TMEM163: variants seen among roughly 807,000 people sequenced by gnomAD.
The protein encoded by TMEM163 is transmembrane protein 163.
A neutral mutation model predicts 29.3 loss-of-function variants in TMEM163; 17 were observed. The ratio of observed to expected loss-of-function variants is 0.58; its 90% CI spans 0.40 to 0.87. The LOEUF (loss-of-function observed/expected upper bound fraction) is 0.87. Among genes scored for constraint, TMEM163 ranks in the 40% least tolerant of loss-of-function variants. The probability of loss-of-function intolerance (pLI) is 0.00; values close to 1 mark genes in which losing one functional copy is unlikely to be tolerated. For synonymous variants in TMEM163, 157 were observed against 160.6 expected (o/e 0.98, Z 0.17); for missense variants, 303 against 381.5 (o/e 0.79, Z 1.71).
chr2:134,638,872 T>C (rs1219386152), intron 2 of TMEM163, among the ~76,000 whole-genome samples: 3 of 152,198 alleles, frequency 2.0e-5, no homozygotes, highest in Non-Finnish European at 2.9e-5. Flanking sequence ...GAAATGTTTA[T>C]GGGACAACCA....
intron 2 of TMEM163, among the ~76,000 whole-genome samples, chr2:134,640,809 C>T (rs1191201003): frequency 1.3e-5 from 2 of 152,202 alleles, no homozygotes; most frequent in Admixed American, 1.3e-4. Flanking sequence ...AGAAAACTTA[C>T]ACATAATACT....
intron 4 of TMEM163, among the ~76,000 whole-genome samples, chr2:134,525,624 G>T (rs962775209): frequency 6.6e-6 from 1 of 152,176 alleles, no homozygotes; most frequent in African/African-American, 2.4e-5. Context: ...GGGCTAAGGG[G>T]ACAAGTTTAC....
At chr2:134,633,997 ATATATATATATATATATATAT>A (rs1558971819) in intron 2 of TMEM163, among the ~76,000 whole-genome samples, 461 of 35,480 alleles carry the variant, frequency 0.013, 25 homozygotes, top group East Asian at 0.078. Flanking sequence ...ATATATATAT[ATATATATATATATATATATAT>A]ATAATAGGAC....
chr2:134,514,113 C>T (rs973883185), intron 4 of TMEM163, among the ~76,000 whole-genome samples: 10 of 152,276 alleles, frequency 6.6e-5, no homozygotes, highest in Middle Eastern at 3.4e-3. Context: ...GGGGACAAGA[C>T]GCCACCTCTT....
intron 2 of TMEM163, among the ~76,000 whole-genome samples, chr2:134,686,586 A>T (rs1684356230): frequency 6.6e-6 from 1 of 152,220 alleles, no homozygotes; most frequent in Non-Finnish European, 1.5e-5. Flanking sequence ...GGGGCCAAAA[A>T]GGAGGTAGAA....
At chr2:134,677,124 C>T (rs1281253544) in intron 2 of TMEM163, among the ~76,000 whole-genome samples, 1 of 152,154 alleles carries the variant, frequency 6.6e-6, no homozygotes, top group Non-Finnish European at 1.5e-5. Context: ...AGGTCAGCTT[C>T]CGGCGACCCT....
chr2:134,509,143 G>A (rs1192557548), intron 4 of TMEM163, among the ~76,000 whole-genome samples: 1 of 152,218 alleles, frequency 6.6e-6, no homozygotes, highest in African/African-American at 2.4e-5. Flanking sequence ...GGCATTTTCT[G>A]TGATGATGGA....
chr2:134,485,071 G>A lies in TMEM163; in HGVS notation c.555+17830C>T, dbSNP rs542556092. On this transcript the variant is annotated intron_variant, in intron 5 of 7. Coordinates refer to ENST00000281924, the MANE Select transcript of TMEM163 (RefSeq NM_030923.5). ...AACCAGAGAAAGAGAACCAGTGAGA[G>A]ATACACAGGTGCTCCTTGACTTACA... 3.9e-5 allele frequency among the ~76,000 whole-genome samples: 6 copies of A among 152,304 alleles called. No homozygotes were observed. The South Asian group carries it at 1.2e-3, about 32-fold the overall frequency.
intron 2 of TMEM163, among the ~76,000 whole-genome samples, chr2:134,657,451 C>T (rs1683646322): frequency 6.6e-6 from 1 of 152,214 alleles, no homozygotes; most frequent in South Asian, 2.1e-4. Context: ...GAAAACCAAA[C>T]ACCACATGTT....
At chr2:134,552,987 G>T (rs1018780882) in intron 2 of TMEM163, among the ~76,000 whole-genome samples, 1 of 152,088 alleles carries the variant, frequency 6.6e-6, no homozygotes, top group Non-Finnish European at 1.5e-5. Flanking sequence ...ATTGGAGGAC[G>T]TCAATTGGGT....
intron 2 of TMEM163, among the ~76,000 whole-genome samples, chr2:134,660,841 G>A (rs60394979): frequency 0.11 from 16,332 of 152,098 alleles, 1,068 homozygotes; most frequent in African/African-American, 0.17. Flanking sequence ...GGAGACAGAA[G>A]TAGTATTTCC....
intron 2 of TMEM163, among the ~76,000 whole-genome samples, chr2:134,612,209 C>G (rs1682519462): frequency 6.6e-6 from 1 of 152,200 alleles, no homozygotes; most frequent in Admixed American, 6.5e-5. Context: ...AGAGATCACC[C>G]TGCAGGAAAA....
At chr2:134,594,762 T>C (rs189645998) in intron 2 of TMEM163, among the ~76,000 whole-genome samples, 113 of 152,272 alleles carry the variant, frequency 7.4e-4, no homozygotes, top group Non-Finnish European at 1.3e-3. Flanking sequence ...AGAAGGAAGC[T>C]TGGTGCCCAA....
intron 2 of TMEM163, among the ~76,000 whole-genome samples, chr2:134,649,213 C>T (rs1411816094): frequency 6.6e-6 from 1 of 152,160 alleles, no homozygotes; most frequent in Non-Finnish European, 1.5e-5. Context: ...AAAATCAAGG[C>T]ATCAAGAGAT....
At position 134,555,819 on chromosome 2, in the gene TMEM163, C is replaced by T. The variant is rs1003164973; in HGVS notation, c.323-3728G>A. ...TTTGGGGCCAGCCCAGCATGCAGTC[C>T]CCATCCCATAAGAGCATCCTGATTC... On this transcript the variant is annotated intron_variant, in intron 2 of 7. Coordinates refer to ENST00000281924, the MANE Select transcript of TMEM163 (RefSeq NM_030923.5). Among the ~76,000 whole-genome samples, 4 of 152,118 alleles carry T rather than the reference C, an allele frequency of 2.6e-5. No individual in the cohort carries two copies. In the South Asian group the frequency reaches 8.3e-4, roughly 32 times the overall value.
chr2:134,572,169 A>G (rs1260241306), intron 2 of TMEM163, among the ~76,000 whole-genome samples: 2 of 152,314 alleles, frequency 1.3e-5, no homozygotes, highest in East Asian at 3.9e-4. Context: ...ACCTTGCACA[A>G]AATCACACAG....
intron 4 of TMEM163, among the ~76,000 whole-genome samples, chr2:134,537,187 T>C (rs1301744651): frequency 6.6e-6 from 1 of 152,144 alleles, no homozygotes; most frequent in Admixed American, 6.5e-5. Context: ...AATTCCTGCT[T>C]ATCCCAAGGC....
intron 4 of TMEM163, among the ~76,000 whole-genome samples, chr2:134,535,107 A>G (rs1332393756): frequency 6.6e-6 from 1 of 152,216 alleles, no homozygotes; most frequent in African/African-American, 2.4e-5. Flanking sequence ...GAAGAATTAC[A>G]TCTATAGAAA....
chr2:134,599,019 A>C (rs1682163666), intron 2 of TMEM163, among the ~76,000 whole-genome samples: 1 of 99,220 alleles, frequency 1.0e-5, no homozygotes, highest in Admixed American at 1.1e-4. Context: ...TCCGTTAAAA[A>C]AAAAAAAAAA....
Sources: allele counts gnomAD v4.1 joint callset (sites outside exome capture counted in the v4.1 genomes callset), GRCh38; gene constraint gnomAD v4.1.1; transcripts MANE v1.5; gene names NCBI Gene and HGNC (gene_info 2026-07-23, HGNC 2026-07-21).